BABAM2: variants seen among roughly 807,000 people sequenced by gnomAD.
BABAM2 encodes the protein BRISC and BRCA1-A complex member 2.
A neutral mutation model predicts 54.7 loss-of-function variants in BABAM2; 31 were observed. The observed-to-expected ratio is 0.57, with a 90% CI of 0.43 to 0.77. The LOEUF is 0.77. Ranked by LOEUF, BABAM2 falls within the 30% of genes least tolerant of loss-of-function variation. The probability of loss-of-function intolerance (pLI) is 0.00; values close to 1 mark genes in which losing one functional copy is unlikely to be tolerated. For synonymous variants in BABAM2, 167 were observed against 162.9 expected, an observed-to-expected ratio of 1.03 and a Z score of -0.19; for missense variants, 364 against 455.8, an observed-to-expected ratio of 0.80 and a Z score of 1.83.
chr2:27,921,232 T>G (rs1172850312), intron 2 of BABAM2, among the ~76,000 whole-genome samples: 1 of 152,190 alleles, frequency 6.6e-6, no homozygotes, highest in African/African-American at 2.4e-5. Flanking sequence ...TAGCCTTGAT[T>G]TATGTGTTTA....
At chr2:28,251,811 A>G (rs1437452558) in intron 10 of BABAM2, among the ~76,000 whole-genome samples, 20 of 152,222 alleles carry the variant, frequency 1.3e-4, no homozygotes. Flanking sequence ...CCAAATCTAT[A>G]GAAAGTGTAA....
At chr2:28,100,715 G>A (rs1174351244) in intron 6 of BABAM2, among the ~76,000 whole-genome samples, 1 of 152,174 alleles carries the variant, frequency 6.6e-6, no homozygotes, top group South Asian at 2.1e-4. Flanking sequence ...TACTTGTTGA[G>A]ATTTTGTGCC....
chr2:27,890,127 C>T, upstream of BABAM2: 2 of 747,008 alleles, frequency 2.7e-6, no homozygotes, highest in Non-Finnish European at 4.3e-6. This position sits in a 1 kb window ranked among gnomAD's most constrained non-coding sequence, Gnocchi z 4.8. Context: ...CTTCGAAAAC[C>T]TGCAGCTCAT....
chr2:28,093,150 C>A (rs113997189), intron 6 of BABAM2, among the ~76,000 whole-genome samples: 2,055 of 152,264 alleles, frequency 0.013, 40 homozygotes, highest in African/African-American at 0.046. Context: ...TTGTATACCA[C>A]TTTACTATCA....
chr2:28,046,316 C>T (rs546197709), intron 6 of BABAM2, among the ~76,000 whole-genome samples: 3 of 152,122 alleles, frequency 2.0e-5, no homozygotes, highest in South Asian at 2.1e-4. Context: ...AAATATTAGC[C>T]GGGCATGGTG....
chr2:28,162,981 C>T (rs1236599530), intron 7 of BABAM2, among the ~76,000 whole-genome samples: 3 of 152,136 alleles, frequency 2.0e-5, no homozygotes, highest in Non-Finnish European at 4.4e-5. Flanking sequence ...ATTTAATCCA[C>T]AAGTGTAAGA....
chr2:28,109,082 G>T (rs1296030805), intron 6 of BABAM2, among the ~76,000 whole-genome samples: 1 of 151,754 alleles, frequency 6.6e-6, no homozygotes, highest in Non-Finnish European at 1.5e-5. Flanking sequence ...AAACAGAATA[G>T]TAGCCACTAC....
intron 3 of BABAM2, among the ~76,000 whole-genome samples, chr2:27,947,070 C>T (rs907698985): frequency 1.3e-5 from 2 of 151,148 alleles, no homozygotes; most frequent in East Asian, 1.9e-4. Flanking sequence ...CTTTATTATT[C>T]TCCTGTATAT....
chr2:28,149,281 G>T (rs1671798125), intron 7 of BABAM2, among the ~76,000 whole-genome samples: 1 of 152,150 alleles, frequency 6.6e-6, no homozygotes. Flanking sequence ...CGAAGACTCA[G>T]CTCCTTGGTG....
chr2:28,025,091 T>C, intron 4 of BABAM2, 135 bp from the exon 5 acceptor site: 1 of 704,490 alleles, frequency 1.4e-6, no homozygotes, highest in Non-Finnish European at 2.1e-6. Context: ...TCTCTGGGTA[T>C]ATGGCTAAGG....
At chr2:27,937,362 G>A (rs1668560744) in intron 3 of BABAM2, among the ~76,000 whole-genome samples, 1 of 152,102 alleles carries the variant, frequency 6.6e-6, no homozygotes, top group South Asian at 2.1e-4. Flanking sequence ...TCCTGACCTC[G>A]AGATCTGCCT....
intron 1 of BABAM2, among the ~76,000 whole-genome samples, chr2:27,894,172 G>C (rs1665099670): frequency 6.6e-6 from 1 of 152,078 alleles, no homozygotes; most frequent in East Asian, 1.9e-4. Flanking sequence ...TTTTGTGTTG[G>C]GATAGAGGAT....
chr2:28,076,476 A>G (rs1181635473), intron 6 of BABAM2, among the ~76,000 whole-genome samples: 1 of 148,022 alleles, frequency 6.8e-6, no homozygotes, highest in African/African-American at 2.6e-5. Context: ...TTATTTATTT[A>G]TTTATTTAGT....
At chr2:28,137,934 C>T (rs1238210898) in intron 7 of BABAM2, among the ~76,000 whole-genome samples, 1 of 152,122 alleles carries the variant, frequency 6.6e-6, no homozygotes, top group Non-Finnish European at 1.5e-5. Flanking sequence ...TATACTATAT[C>T]TTAATTTAAA....
At chr2:28,130,728 T>C (rs866742244) in intron 7 of BABAM2, among the ~76,000 whole-genome samples, 16 of 151,150 alleles carry the variant, frequency 1.1e-4, no homozygotes, top group African/African-American at 2.4e-4. Context: ...AATGTTTCTG[T>C]TTTTTGTTTT....
intron 6 of BABAM2, among the ~76,000 whole-genome samples, chr2:28,100,955 A>G (rs1448285066): frequency 1.3e-5 from 2 of 152,214 alleles, no homozygotes; most frequent in Non-Finnish European, 2.9e-5. Flanking sequence ...GAGTTTACAT[A>G]CAGAGAAGGC....
At chr2:28,119,240 A>G (rs1668858896) in intron 6 of BABAM2, among the ~76,000 whole-genome samples, 1 of 152,218 alleles carries the variant, frequency 6.6e-6, no homozygotes, top group Non-Finnish European at 1.5e-5. Context: ...AGCTTATCAA[A>G]TGTATTAAGA....
intron 4 of BABAM2, among the ~76,000 whole-genome samples, chr2:28,000,781 T>C (rs1673526318): frequency 6.6e-6 from 1 of 152,226 alleles, no homozygotes; most frequent in African/African-American, 2.4e-5. Flanking sequence ...CAATACTATG[T>C]TATTTATTTT....
chr2:28,070,551 C>CTT (rs779324534), intron 6 of BABAM2, among the ~76,000 whole-genome samples: 1 of 85,742 alleles, frequency 1.2e-5, no homozygotes, highest in African/African-American at 3.2e-5. Flanking sequence ...AAGTACTTTT[C>CTT]TTTTCTTTTT....
Sources: allele counts gnomAD v4.1 joint callset (sites outside exome capture counted in the v4.1 genomes callset), GRCh38; gene constraint gnomAD v4.1.1; non-coding constraint Gnocchi (gnomAD v3.1); transcripts MANE v1.5; gene names NCBI Gene and HGNC (gene_info 2026-07-23, HGNC 2026-07-21).